The following URI1 variants were observed in gnomAD, a reference collection of about 807,000 sequenced individuals.
The protein encoded by URI1 is unconventional prefoldin RPB5 interactor 1.
A neutral mutation model predicts 60.2 loss-of-function variants in URI1; 39 were observed. The ratio of observed to expected loss-of-function variants is 0.65; its 90% CI spans 0.50 to 0.85. The LOEUF is 0.85. Ranked by LOEUF, URI1 falls within the 40% of genes least tolerant of loss-of-function variation. The pLI, the probability that URI1 is intolerant of heterozygous loss-of-function variation, is 0.00. For missense variants in URI1, 691 were observed against 665.9 expected, an observed-to-expected ratio of 1.04 and a Z score of -0.42; for synonymous variants, 251 against 236.8, an observed-to-expected ratio of 1.06 and a Z score of -0.55.
At chr19:30,008,859 AT>A in intron 7 of URI1, 145 bp from the exon 8 acceptor site, 1 of 669,474 alleles carries the variant, frequency 1.5e-6, no homozygotes, top group Non-Finnish European at 2.4e-6. Context: ...ATTTCAAAAC[AT>A]TTTTTTGTTT....
At chr19:29,929,649 G>T (rs2054899569) in intron 1 of URI1, among the ~76,000 whole-genome samples, 1 of 152,086 alleles carries the variant, frequency 6.6e-6, no homozygotes, top group Non-Finnish European at 1.5e-5. Context: ...TATCCTAGCA[G>T]CTGTGAGATG....
chr19:29,937,401 A>T (rs1378116554), upstream of URI1, among the ~76,000 whole-genome samples: 1 of 152,158 alleles, frequency 6.6e-6, no homozygotes, highest in African/African-American at 2.4e-5. Flanking sequence ...TCCCCCTGTG[A>T]ATAGGCTATA....
At chr19:29,956,953 A>T in intron 1 of URI1, 1 of 961,658 alleles carries the variant, frequency 1.0e-6, no homozygotes, top group Non-Finnish European at 1.7e-6. Context: ...CATTTTCTGG[A>T]ATGTCAACAG....
chr19:29,939,673 A>G (rs2055004770), upstream of URI1, among the ~76,000 whole-genome samples: 1 of 152,252 alleles, frequency 6.6e-6, no homozygotes, highest in African/African-American at 2.4e-5. Flanking sequence ...TTTTGTGGAC[A>G]GGAGATCAAG....
chr19:29,947,470 T>C (rs1408178700), intron 1 of URI1, among the ~76,000 whole-genome samples: 1 of 152,264 alleles, frequency 6.6e-6, no homozygotes, highest in Non-Finnish European at 1.5e-5. Context: ...TATACCAGTT[T>C]ACCGCTTGCT....
chr19:29,926,672 A>G (rs754991085), intron 1 of URI1, among the ~76,000 whole-genome samples: 4 of 152,228 alleles, frequency 2.6e-5, no homozygotes, highest in Non-Finnish European at 2.9e-5. Context: ...ACTTTTCTGC[A>G]TATGTGTTAA....
At chr19:29,935,619 G>T (rs335019) in intron 1 of URI1, among the ~76,000 whole-genome samples, 1 of 151,444 alleles carries the variant, frequency 6.6e-6, no homozygotes, top group Non-Finnish European at 1.5e-5. Context: ...CTTTCTCTGC[G>T]TTTATTTATC....
chr19:29,980,612 TAAAAAA>T lies in URI1; in HGVS notation c.153-4589_153-4584del, dbSNP rs71333427. ...GAGAGTGATAGAAGATTTTTTTTCT[TAAAAAA>T]AAAAAAAAAAAAAAAAAAAAACTGG... is the stretch of plus-strand genomic sequence containing the variant. On this transcript the variant is annotated intron_variant, in intron 2 of 10. Transcript: ENST00000392271. Among the ~76,000 whole-genome samples the T allele has an allele frequency of 1.2e-4, 9 of 73,852 alleles. No homozygotes were observed. In the East Asian group the frequency reaches 2.8e-3, roughly 23 times the overall value. 48.4% of individuals were successfully genotyped at this position (73,852 alleles called of 152,430 possible).
intron 1 of URI1, among the ~76,000 whole-genome samples, chr19:29,935,764 TTTTC>T (rs1408416389): frequency 0.011 from 11 of 1,042 alleles, no homozygotes; most frequent in African/African-American, 0.019. Context: ...CTCTGGTTCC[TTTTC>T]TTTTCTTTTC....
chr19:29,971,272 G>T (rs375521656), intron 2 of URI1, 45 bp downstream of exon 2: 8 of 1,593,054 alleles, frequency 5.0e-6, no homozygotes, highest in Non-Finnish European at 6.9e-6. Flanking sequence ...TACTGATGGG[G>T]TAACCTACTT....
chr19:29,989,292 T>C (rs927991808), intron 4 of URI1, among the ~76,000 whole-genome samples: 1 of 151,744 alleles, frequency 6.6e-6, no homozygotes, highest in Non-Finnish European at 1.5e-5. Context: ...TTTGTACTTT[T>C]AGTAGAGATG....
chr19:29,950,591 A>G (rs969972944), intron 1 of URI1, among the ~76,000 whole-genome samples: 1 of 152,134 alleles, frequency 6.6e-6, no homozygotes, highest in African/African-American at 2.4e-5. Context: ...CTGCAGAACC[A>G]TTCAAAAGTG....
intron 1 of URI1, among the ~76,000 whole-genome samples, chr19:29,954,046 G>A (rs1382972043): frequency 1.3e-5 from 2 of 152,128 alleles, no homozygotes; most frequent in Non-Finnish European, 2.9e-5. Context: ...ATTACCACAA[G>A]GTTCTTCTTA....
At chr19:29,993,183 G>C (rs781723051) in intron 4 of URI1, among the ~76,000 whole-genome samples, 7 of 152,118 alleles carry the variant, frequency 4.6e-5, no homozygotes, top group African/African-American at 1.2e-4. Context: ...GCATGAACTA[G>C]GGGTAATGGC....
At chr19:29,986,901 G>C (rs1320679187) in intron 4 of URI1, among the ~76,000 whole-genome samples, 1 of 152,156 alleles carries the variant, frequency 6.6e-6, no homozygotes, top group East Asian at 1.9e-4. Flanking sequence ...TGATAGAGGA[G>C]ACCAGGTGTG....
intron 2 of URI1, among the ~76,000 whole-genome samples, chr19:29,984,694 A>AC (rs555582615): frequency 8.5e-5 from 13 of 152,222 alleles, no homozygotes; most frequent in Non-Finnish European, 1.9e-4. Context: ...AAATAAAACC[A>AC]CATTAATCTT....
chr19:29,932,381 A>G lies in URI1; in HGVS notation c.63+8627A>G, dbSNP rs538737012. Among the ~76,000 whole-genome samples the G allele has an allele frequency of 2.0e-5, 3 of 152,130 alleles. No homozygotes were observed. The East Asian group carries it at 5.8e-4, about 29-fold the overall frequency. ...ACCCAGGCTGGAGTGCAGTGGTGTG[A>G]TCTCAGCTTACTGCAACCTCCGCCT... On this transcript the variant is annotated intron_variant, in intron 1 of 10. Transcript: ENST00000360605.
chr19:29,985,652 A>G (rs1198053919), intron 3 of URI1, among the ~76,000 whole-genome samples: 1 of 152,200 alleles, frequency 6.6e-6, no homozygotes, highest in African/African-American at 2.4e-5. Flanking sequence ...TGTAATTCAC[A>G]GAATTAAACC....
chr19:29,950,231 G>A (rs1332969711), intron 1 of URI1, among the ~76,000 whole-genome samples: 1 of 152,202 alleles, frequency 6.6e-6, no homozygotes, highest in Non-Finnish European at 1.5e-5. Flanking sequence ...CTCTAGATTG[G>A]AAGAAAAGAT....
Sources: gnomAD v4.1 joint callset for allele counts (sites outside exome capture counted in the v4.1 genomes callset) on GRCh38, gnomAD v4.1.1 for gene constraint, MANE v1.5 for transcripts, NCBI Gene and HGNC (gene_info 2026-07-23, HGNC 2026-07-21) for gene names.